Variants in FAM111B observed in about 807,000 individuals in gnomAD.
FAM111B encodes the protein FAM111 trypsin like peptidase B.
In FAM111B, 1 loss-of-function variant was observed where a neutral mutation model predicts 2.8. That is an observed-to-expected ratio of 0.36 (90% CI 0.13 to 1.70). The LOEUF (loss-of-function observed/expected upper bound fraction) is 1.70. Among genes scored for constraint, FAM111B ranks in the 40% most tolerant of loss-of-function variants. FAM111B has a pLI of 0.35. For missense variants in FAM111B, 882 were observed against 878.9 expected (o/e 1.00, Z -0.04); for synonymous variants, 297 against 295.6 (o/e 1.00, Z -0.05).
At chr11:59,110,178 G>A (rs1383002926) in intron 3 of FAM111B, among the ~76,000 whole-genome samples, 1 of 152,172 alleles carries the variant, frequency 6.6e-6, no homozygotes, top group African/African-American at 2.4e-5. Context: ...CCATCAGACT[G>A]CAGAGACTGG....
chr11:59,124,180 A>G lies in FAM111B; in HGVS notation c.83A>G (p.Asp28Gly), dbSNP rs1449044774. 15 of 1,595,174 alleles carry G rather than the reference A, an allele frequency of 9.4e-6. 1 individual carries two copies. The highest frequency in any genetic ancestry group is 1.1e-5 in the Non-Finnish European group (13 of 1,170,552). The change falls in exon 4 of 4, where the codon GAT (aspartate) becomes GGT (glycine). Residue 28 changes from aspartate (D) to glycine (G), a missense_variant and splice_region_variant. By Grantham distance (94) the Asp-to-Gly change is moderately conservative. Coordinates refer to ENST00000343597, the MANE Select transcript of FAM111B (RefSeq NM_198947.4). ...DQRTRPEVSK[D>G]TVMKQTHADT... is the part of the protein sequence containing the mutation. ...CCTCTTTAATCTTTCCTTTTTAAGG[A>G]TACTGTCATGAAGCAGACACATGCT...
Position 59,124,042 on chromosome 11 carries a change from T to G in FAM111B, c.82-137T>G, listed in dbSNP as rs1486018223. 34 of 531,716 alleles carry G rather than the reference T, an allele frequency of 6.4e-5. 2 individuals carry two copies. The highest frequency in any genetic ancestry group is 9.4e-5 in the South Asian group (2 of 21,372). 32.9% of individuals were successfully genotyped at this position (531,716 alleles called of 1,614,324 possible). A position where few individuals can be genotyped will look rare whatever the true frequency, so the allele number is the denominator to read the frequency against. On this transcript the variant is annotated intron_variant, in intron 3 of 3. Transcript: ENST00000343597. ...GTATCTAAATTGATAGAATAGTGAT[T>G]GATTTTTTCTCCATTATTCGTTAAC... is the stretch of plus-strand genomic sequence containing the variant.
At chr11:59,115,075 A>G (rs1445470963) in intron 3 of FAM111B, among the ~76,000 whole-genome samples, 1 of 152,190 alleles carries the variant, frequency 6.6e-6, no homozygotes, top group African/African-American at 2.4e-5. Flanking sequence ...CTCACTAATC[A>G]GTACCTGTGT....
intron 3 of FAM111B, among the ~76,000 whole-genome samples, chr11:59,123,102 T>C (rs1859949210): frequency 6.6e-6 from 1 of 152,224 alleles, no homozygotes; most frequent in South Asian, 2.1e-4. Context: ...TTATATTTAT[T>C]TATATATCCC....
rs774221429 is a variant in FAM111B at position 59,126,025 on chromosome 11, C to G, written c.1928C>G (p.Thr643Ser). 4 of 1,613,830 alleles carry G rather than the reference C, an allele frequency of 2.5e-6. No individual in the cohort carries two copies. The Admixed American group carries it at 5.0e-5, about 20-fold the overall frequency. ...AACACACACACGCTTAGTTATGATA[C>G]TTGTTTCTCTGATGGGTCCTCAGGC... ...VWNTHTLSYD[T>S]CFSDGSSGSP... The change falls in exon 4 of 4, where the codon ACT (threonine) becomes AGT (serine). Residue 643 changes from threonine to serine, a missense_variant. Transcript: ENST00000343597.
Position 59,109,652 on chromosome 11 carries a change from C to G in FAM111B, c.27C>G (p.Asn9Lys). 1 of 1,611,216 alleles carries G rather than the reference C, an allele frequency of 6.2e-7. No homozygotes were observed. The highest frequency in any genetic ancestry group is 8.5e-7 in the Non-Finnish European group (1 of 1,178,570). Residue 9 changes from asparagine to lysine, a missense_variant, in exon 3 of 4, where the codon AAC becomes AAG. Physicochemically the swap from Asn to Lys is moderately conservative, Grantham distance 94. Coordinates refer to ENST00000343597, the MANE Select transcript of FAM111B (RefSeq NM_198947.4). MNSMKTEENKSFSAMEDDQ... is the reference protein window; with the variant it reads MNSMKTEEKKSFSAMEDDQ... The stretch of plus-strand genomic sequence containing the variant: ...TGAATTCCATGAAGACTGAAGAAAA[C>G]AAGTCATTTAGCGCTATGGAAGATG...
At chr11:59,119,285 A>G (rs1859885436) in intron 3 of FAM111B, among the ~76,000 whole-genome samples, 1 of 152,184 alleles carries the variant, frequency 6.6e-6, no homozygotes, top group East Asian at 1.9e-4. Flanking sequence ...TCCTCAACTC[A>G]GCTGCTACTG....
At chr11:59,108,188 A>G (rs1335029092) in intron 1 of FAM111B, among the ~76,000 whole-genome samples, 4 of 152,224 alleles carry the variant, frequency 2.6e-5, no homozygotes, top group African/African-American at 9.7e-5. Flanking sequence ...ACGAACAATA[A>G]AAGTTTCATC....
In FAM111B at chr11:59,125,910, G is replaced by A. The variant is rs1398499533; in HGVS notation, c.1813G>A (p.Asp605Asn). 3.7e-6 allele frequency: 6 copies of A among 1,613,698 alleles called. No homozygotes were observed. In the Admixed American group the frequency reaches 5.0e-5, roughly 13 times the overall value. Residue 605 changes from aspartate (D) to asparagine (N), a missense_variant, in exon 4 of 4, where the codon GAT becomes AAT. By Grantham distance (23) the Asp-to-Asn change is conservative. Coordinates refer to ENST00000343597, the MANE Select transcript of FAM111B (RefSeq NM_198947.4). ...CGAACGATTGAAAAAATATCCAAAC[G>A]ATTGTCAAGATGGGTTGGTAGATCT... ...LNERLKKYPN[D>N]CQDGLVDLYD...
At chr11:59,113,785 G>A (rs939162394) in intron 3 of FAM111B, among the ~76,000 whole-genome samples, 5 of 152,182 alleles carry the variant, frequency 3.3e-5, no homozygotes, top group African/African-American at 1.2e-4. Flanking sequence ...CAGTCTGCCC[G>A]GCACATTAGA....
Position 59,125,328 on chromosome 11 carries a change from T to G in FAM111B, c.1231T>G (p.Trp411Gly), listed in dbSNP as rs1167599709. The G allele has an allele frequency of 2.5e-6, 4 of 1,613,808 alleles. No individual in the cohort carries two copies. ...QYPNFKEEAQWVRKYFREEQK... is the reference protein window; with the variant it reads ...QYPNFKEEAQGVRKYFREEQK... ...TCCGAATTTTAAAGAGGAGGCACAG[T>G]GGGTAAGAAAATATTTTCGGGAAGA... Residue 411 changes from tryptophan (W) to glycine (G), a missense_variant, in exon 4 of 4, where the codon TGG becomes GGG. By Grantham distance (184) the Trp-to-Gly change is radical. Transcript: ENST00000343597.
In FAM111B at chr11:59,108,119, A is replaced by T. The variant is rs544105313; in HGVS notation, c.-131-549A>T. 3.3e-5 allele frequency among the ~76,000 whole-genome samples: 5 copies of T among 152,330 alleles called. No homozygotes were observed. In the South Asian group the frequency reaches 8.3e-4, roughly 25 times the overall value. On this transcript the variant is annotated intron_variant, in intron 1 of 3. Coordinates refer to ENST00000343597, the MANE Select transcript of FAM111B (RefSeq NM_198947.4). ...TAGCCACACCCCGACATACTGAATC[A>T]GAGTCTGTGAGGGTGGGATCTGGAA...
intron 3 of FAM111B, among the ~76,000 whole-genome samples, chr11:59,119,549 T>C (rs927854970): frequency 6.6e-6 from 1 of 152,202 alleles, no homozygotes; most frequent in Admixed American, 6.5e-5. Flanking sequence ...GCTGCTTTTT[T>C]TTATTTTTCC....
rs557045985 is a variant in FAM111B at position 59,109,716 on chromosome 11, C to T, written c.81+10C>T. On this transcript the variant is annotated intron_variant, in intron 3 of 3. Coordinates refer to ENST00000343597, the MANE Select transcript of FAM111B (RefSeq NM_198947.4). ...ACCTGAAGTTTCAAAGGTATATCTA[C>T]TTTTTTACAACTCCTCAGAGGAGTG... is the stretch of plus-strand genomic sequence containing the variant. 6.3e-7 allele frequency: 1 copy of T among 1,577,624 alleles called. No individual in the cohort carries two copies. Among genetic ancestry groups the T allele is most frequent in the African/African-American group, 1.3e-5 (1 of 74,230 alleles).
intron 3 of FAM111B, among the ~76,000 whole-genome samples, chr11:59,118,937 T>C (rs556539040): frequency 5.3e-5 from 8 of 152,350 alleles, no homozygotes; most frequent in Non-Finnish European, 1.0e-4. Context: ...TATTGGTCTG[T>C]AGTTTTCTTT....
rs1326789095 is a variant in FAM111B at position 59,109,537 on chromosome 11, T to A, written c.-86-3T>A. ...ATAGATCTTGTTTTTTTGGTTTTTT[T>A]AGACATTTCAGGTGGCAGAATAAAT... On this transcript the variant is annotated splice_polypyrimidine_tract_variant and splice_region_variant and intron_variant, in intron 2 of 3. Coordinates refer to ENST00000343597, the MANE Select transcript of FAM111B (RefSeq NM_198947.4). The A allele has an allele frequency of 6.4e-6, 6 of 935,588 alleles. No homozygotes were observed. In the South Asian group the frequency reaches 7.3e-5, roughly 11 times the overall value. The allele number at this position is 935,588 out of a possible 1,614,324, so 58.0% of individuals were successfully genotyped here.
At chr11:59,111,240 A>G (rs2135395786) in intron 3 of FAM111B, among the ~76,000 whole-genome samples, 1 of 152,300 alleles carries the variant, frequency 6.6e-6, no homozygotes, top group African/African-American at 2.4e-5. Context: ...ACCCATTTCA[A>G]CACAAAACCT....
In FAM111B at chr11:59,125,354, A is replaced by T. The variant is rs1432378323; in HGVS notation, c.1257A>T (p.Glu419Asp). ...GGGTAAGAAAATATTTTCGGGAAGA[A>T]CAAAAGAGAATGAATCTTTCACCAG... is the stretch of plus-strand genomic sequence containing the variant. ...AQWVRKYFREEQKRMNLSPAK... is the reference protein window; with the variant it reads ...AQWVRKYFREDQKRMNLSPAK... The change falls in exon 4 of 4, where the codon GAA becomes GAT. Residue 419 changes from glutamate to aspartate, a missense_variant. Coordinates refer to ENST00000343597, the MANE Select transcript of FAM111B (RefSeq NM_198947.4). 3.1e-6 allele frequency: 5 copies of T among 1,614,010 alleles called. No individual in the cohort carries two copies. Among genetic ancestry groups the T allele is most frequent in the Non-Finnish European group, 4.2e-6 (5 of 1,179,860 alleles).
intron 1 of FAM111B, among the ~76,000 whole-genome samples, chr11:59,107,851 C>A (rs1859689410): frequency 6.6e-6 from 1 of 152,148 alleles, no homozygotes; most frequent in Non-Finnish European, 1.5e-5. Context: ...TGGTAATCAG[C>A]AAGGATTCAG....
Sources: gnomAD v4.1 joint callset for allele counts (sites outside exome capture counted in the v4.1 genomes callset) on GRCh38, gnomAD v4.1.1 for gene constraint, MANE v1.5 for transcripts, NCBI Gene and HGNC (gene_info 2026-07-23, HGNC 2026-07-21) for gene names.